ARAP2: variants seen among roughly 807,000 people sequenced by gnomAD.
ARAP2 encodes arf-GAP with Rho-GAP domain, ANK repeat and PH domain-containing protein 2.
In ARAP2, 148 loss-of-function variants were observed where a neutral mutation model predicts 194.5. The ratio of observed to expected loss-of-function variants is 0.76; its 90% CI spans 0.67 to 0.87. The LOEUF is 0.87. Among genes scored for constraint, ARAP2 ranks in the 40% least tolerant of loss-of-function variants. The pLI, the probability that ARAP2 is intolerant of heterozygous loss-of-function variation, is 0.00. For missense variants in ARAP2, 2,128 were observed against 1,989.7 expected (o/e 1.07, Z -1.32); for synonymous variants, 695 against 683.5 (o/e 1.02, Z -0.26).
intron 32 of ARAP2, among the ~76,000 whole-genome samples, chr4:36,073,068 C>T (rs1316633395): frequency 6.6e-6 from 1 of 152,012 alleles, no homozygotes; most frequent in Non-Finnish European, 1.5e-5. Flanking sequence ...TGTGTTGGTC[C>T]CAAAATGGCT....
At chr4:36,038,508 G>A (rs1317676123) in intron 5 of ARAP2, among the ~76,000 whole-genome samples, 2 of 152,178 alleles carry the variant, frequency 1.3e-5, no homozygotes, top group Non-Finnish European at 2.9e-5. Flanking sequence ...TGGCTAAAAT[G>A]TAACTTCCGT....
intron 5 of ARAP2, among the ~76,000 whole-genome samples, chr4:36,026,346 C>T (rs1717901053): frequency 6.6e-6 from 1 of 152,184 alleles, no homozygotes; most frequent in South Asian, 2.1e-4. Context: ...CCTGGAAGAA[C>T]TCATGCTATT....
chr4:36,203,621 A>T (rs1744916919), intron 6 of ARAP2, among the ~76,000 whole-genome samples: 1 of 152,012 alleles, frequency 6.6e-6, no homozygotes, highest in Non-Finnish European at 1.5e-5. Flanking sequence ...AAAACTGGTT[A>T]CCAGGCCTAT....
chr4:36,030,011 C>T (rs1326199068), intron 5 of ARAP2, among the ~76,000 whole-genome samples: 2 of 151,964 alleles, frequency 1.3e-5, no homozygotes, highest in Middle Eastern at 6.3e-3. Context: ...TAAATATATT[C>T]AATTGTAATC....
intron 18 of ARAP2, 42 bp from the exon 19 acceptor site, chr4:36,147,401 C>A (rs1560528841): frequency 6.2e-7 from 1 of 1,601,208 alleles, no homozygotes; most frequent in Non-Finnish European, 8.6e-7. Flanking sequence ...TTTTAAAACA[C>A]TGTAATAAAC....
At chr4:36,072,272 C>A (rs1727166353) in intron 32 of ARAP2, among the ~76,000 whole-genome samples, 2 of 151,944 alleles carry the variant, frequency 1.3e-5, no homozygotes, top group South Asian at 4.1e-4. Flanking sequence ...AGAAATTTTC[C>A]AGTAATTGAA....
chr4:36,160,279 T>C, intron 13 of ARAP2, 180 bp downstream of exon 13: 1 of 1,208,648 alleles, frequency 8.3e-7, no homozygotes, highest in Non-Finnish European at 1.0e-6. Context: ...TATGCTCTTT[T>C]GACAATGAAT....
intron 6 of ARAP2, among the ~76,000 whole-genome samples, chr4:36,016,565 T>G (rs989639651): frequency 1.3e-5 from 2 of 152,176 alleles, no homozygotes; most frequent in Non-Finnish European, 2.9e-5. Flanking sequence ...GCATAGAATA[T>G]CTTCAGAAAT....
At chr4:36,188,574 T>C (rs1578212558) in intron 7 of ARAP2, among the ~76,000 whole-genome samples, 1 of 152,038 alleles carries the variant, frequency 6.6e-6, no homozygotes, top group East Asian at 1.9e-4. Flanking sequence ...GGCAGAGAAA[T>C]AAGAGGACAA....
rs147766021 is a variant in ARAP2, at chr4:36,116,975, T to C, written c.4038+86A>G. ...TGAACTGGAGAGGTAATATAAAATA[T>C]AATAATGGAAAATTCAAAATATATA... On this transcript the variant is annotated intron_variant, in intron 25 of 32. Coordinates refer to ENST00000303965, the MANE Select transcript of ARAP2 (RefSeq NM_015230.4). 384 of 830,620 alleles carry C rather than the reference T, an allele frequency of 4.6e-4. No individual in the cohort carries two copies. The African/African-American group carries it at 6.5e-3, about 14-fold the overall frequency. The allele number at this position is 830,620 out of a possible 1,614,324, so 51.5% of individuals were successfully genotyped here.
chr4:36,152,471 C>A (rs1485224956), intron 15 of ARAP2, among the ~76,000 whole-genome samples: 1 of 152,086 alleles, frequency 6.6e-6, no homozygotes, highest in East Asian at 1.9e-4. Flanking sequence ...CTAGAAGAAT[C>A]TTTGTAAGAG....
At position 36,066,389 on chromosome 4, in the gene ARAP2, C is replaced by T. The variant is rs1029991309; in HGVS notation, c.*1518G>A. The T allele has an allele frequency of 1.3e-5, 2 of 152,022 alleles. No homozygotes were observed. The highest frequency in any genetic ancestry group is 2.4e-5 in the African/African-American group (1 of 41,374). The allele number at this position is 152,022 out of a possible 1,614,324, so 9.4% of individuals were successfully genotyped here. A position where few individuals can be genotyped will look rare whatever the true frequency, so the allele number is the denominator to read the frequency against. On this transcript the variant is annotated 3_prime_UTR_variant, in exon 33 of 33. Transcript: ENST00000303965. Reference sequence around the variant, plus strand: ...TGTGCTTTTTAAAAATTCTAATTTACTTTGATTTAAAGAATAAATATCTCA... The same window carrying T: ...TGTGCTTTTTAAAAATTCTAATTTATTTTGATTTAAAGAATAAATATCTCA...
intron 5 of ARAP2, among the ~76,000 whole-genome samples, chr4:36,039,247 A>C (rs1560303852): frequency 6.6e-6 from 1 of 152,138 alleles, no homozygotes; most frequent in Non-Finnish European, 1.5e-5. Context: ...ACTACAAACA[A>C]AGGCAAAAAA....
At chr4:36,190,492 C>T (rs1441934891) in intron 7 of ARAP2, among the ~76,000 whole-genome samples, 1 of 152,184 alleles carries the variant, frequency 6.6e-6, no homozygotes, top group East Asian at 1.9e-4. Context: ...TCTGATGGCT[C>T]ATTTTTAATA....
At chr4:36,115,694 T>C (rs1272748427) in intron 25 of ARAP2, among the ~76,000 whole-genome samples, 1 of 152,040 alleles carries the variant, frequency 6.6e-6, no homozygotes, top group Non-Finnish European at 1.5e-5. Context: ...TCCATTCTTA[T>C]AAACTCGGAA....
intron 2 of ARAP2, among the ~76,000 whole-genome samples, chr4:36,224,193 GATC>G (rs775482807): frequency 3.4e-4 from 50 of 148,736 alleles, no homozygotes; most frequent in Non-Finnish European, 5.8e-4. Context: ...CAAATATGTG[GATC>G]ATCATTTCAC....
At chr4:36,119,892 A>T (rs1195509238) in intron 23 of ARAP2, among the ~76,000 whole-genome samples, 174 bp from the exon 24 acceptor site, 1 of 151,486 alleles carries the variant, frequency 6.6e-6, no homozygotes, top group East Asian at 1.9e-4. Flanking sequence ...CCAACAAGAT[A>T]GAGTATCCTA....
rs144707231 is a variant in ARAP2, at chr4:36,210,736, C to T, written c.1141G>A (p.Asp381Asn). The change falls in exon 6 of 33, where the codon GAT becomes AAT. Residue 381 changes from aspartate to asparagine, a missense_variant. Physicochemically the swap from Asp to Asn is conservative, Grantham distance 23. Transcript: ENST00000303965. ...TCGCTTATTTTCTCCTTTCTGTTAT[C>T]GTATATGCTAAACGGAAAAATGATG... Reference protein sequence around the residue: ...NSFIIKSSIYDNRKEKISEDK... With the variant: ...NSFIIKSSIYNNRKEKISEDK... 13 of 1,586,032 alleles carry T rather than the reference C, an allele frequency of 8.2e-6. No homozygotes were observed. In the Admixed American group the frequency reaches 1.5e-4, roughly 18 times the overall value.
chr4:36,047,759 T>A (rs1233554111), intron 3 of ARAP2, among the ~76,000 whole-genome samples: 2 of 152,206 alleles, frequency 1.3e-5, no homozygotes, highest in Non-Finnish European at 2.9e-5. Context: ...CATACTCCAA[T>A]GCCTTTTAGG....
Sources: gnomAD v4.1 joint callset for allele counts (sites outside exome capture counted in the v4.1 genomes callset) on GRCh38, gnomAD v4.1.1 for gene constraint, MANE v1.5 for transcripts, NCBI Gene and HGNC (gene_info 2026-07-23, HGNC 2026-07-21) for gene names.